Variants in RCC1L observed in about 807,000 individuals in gnomAD.
The protein encoded by RCC1L is RCC1-like G exchanging factor-like protein.
In RCC1L, 46 loss-of-function variants were observed where a neutral mutation model predicts 58.6. The ratio of observed to expected loss-of-function variants is 0.79; its 90% CI spans 0.62 to 1.00. RCC1L has a LOEUF of 1.00. Ranked by LOEUF, RCC1L falls within the 50% of genes least tolerant of loss-of-function variation. The probability of loss-of-function intolerance (pLI) is 0.00; values close to 1 mark genes in which losing one functional copy is unlikely to be tolerated. For synonymous variants in RCC1L, 281 were observed against 262.9 expected (o/e 1.07, Z -0.67); for missense variants, 636 against 623.6 (o/e 1.02, Z -0.21).
intron 10 of RCC1L, among the ~76,000 whole-genome samples, chr7:75,047,282 TAG>T (rs1805753541): frequency 6.6e-6 from 1 of 152,104 alleles, no homozygotes; most frequent in Admixed American, 6.5e-5. Flanking sequence ...AATTTTTGTT[TAG>T]AGACAAGGTC....
At position 75,066,693 on chromosome 7, in the gene RCC1L, T is replaced by C; in HGVS notation, c.554A>G (p.His185Arg). 4 of 1,612,884 alleles carry C rather than the reference T, an allele frequency of 2.5e-6. No homozygotes were observed. Among genetic ancestry groups the C allele is most frequent in the Non-Finnish European group, 3.4e-6 (4 of 1,179,458 alleles). ...TTCCCTGTCAGTCAACACAAGAGAG[T>C]GAGCTCGGCCGCAGGAGACCTGCAG... ...RVLQVSCGRAHSLVLTDREGV... is the reference protein window; with the variant it reads ...RVLQVSCGRARSLVLTDREGV... Residue 185 changes from histidine (H) to arginine (R), a missense_variant, in exon 3 of 11, where the codon CAC becomes CGC. Transcript: ENST00000610322.
rs1554446604 is a variant in RCC1L, at chr7:75,073,755, A to C, written c.-18T>G. On this transcript the variant is annotated 5_prime_UTR_variant, in exon 1 of 11. The change abolishes the stop of an existing upstream ORF in the 5' untranslated region. Transcript: ENST00000610322. ...AGCGCCATCCTCCGTTCCGCGCCTC[A>C]GCAGCCTCTGGGCGCCGCCATCTTG... The C allele has an allele frequency of 2.7e-6, 4 of 1,496,114 alleles. No homozygotes were observed. Among genetic ancestry groups the C allele is most frequent in the South Asian group, 2.5e-5 (2 of 79,224 alleles). The allele number at this position is 1,496,114 out of a possible 1,614,324, so 92.7% of individuals were successfully genotyped here. A position where few individuals can be genotyped will look rare whatever the true frequency, so the allele number is the denominator to read the frequency against.
chr7:75,048,168 G>A (rs1403425611), intron 10 of RCC1L, among the ~76,000 whole-genome samples: 3 of 150,876 alleles, frequency 2.0e-5, no homozygotes, highest in African/African-American at 7.3e-5. Context: ...TGGGGAGGCT[G>A]AGGCAAGAGA....
At chr7:75,042,049 T>C (rs1347702011), downstream of RCC1L, 1 of 521,868 alleles carries the variant, frequency 1.9e-6, no homozygotes, top group South Asian at 8.3e-5. Flanking sequence ...CTTGTCTCTA[T>C]AAAAAAATAA....
chr7:75,041,236 AAC>A (rs1805555183), downstream of RCC1L, among the ~76,000 whole-genome samples: 53 of 151,268 alleles, frequency 3.5e-4, no homozygotes, highest in Admixed American at 4.0e-4. Context: ...CTAACTAACT[AAC>A]TAAATAAATA....
chr7:75,057,386 G>A, intron 8 of RCC1L, 143 bp downstream of exon 8: 1 of 756,056 alleles, frequency 1.3e-6, no homozygotes, highest in East Asian at 2.7e-5. Flanking sequence ...CAAAGTGCTG[G>A]GATTACAGAT....
intron 3 of RCC1L, 74 bp from the exon 4 acceptor site, chr7:75,064,722 C>T (rs1806401714): frequency 1.3e-6 from 2 of 1,540,112 alleles, no homozygotes; most frequent in Non-Finnish European, 1.8e-6. Context: ...TGGAAGGGGT[C>T]TCGCTGGTGG....
chr7:75,070,364 A>G (rs1454658239), intron 2 of RCC1L, among the ~76,000 whole-genome samples: 1 of 152,174 alleles, frequency 6.6e-6, no homozygotes, highest in Non-Finnish European at 1.5e-5. Flanking sequence ...TGAGCTCAGG[A>G]GTTCGAGACC....
intron 5 of RCC1L, among the ~76,000 whole-genome samples, chr7:75,063,091 C>A (rs1347300548): frequency 6.6e-6 from 1 of 151,938 alleles, no homozygotes; most frequent in African/African-American, 2.4e-5. Context: ...AGCCACCACA[C>A]CCGGCCCCAA....
At chr7:75,029,036 G>C (rs1805223775) in intron 10 of RCC1L, among the ~76,000 whole-genome samples, 2 of 152,360 alleles carry the variant, frequency 1.3e-5, no homozygotes, top group South Asian at 4.1e-4. Context: ...AGCAGGAGGA[G>C]GCTTGGTCTG....
intron 10 of RCC1L, among the ~76,000 whole-genome samples, chr7:75,051,680 G>C (rs1805920333): frequency 1.3e-5 from 2 of 152,028 alleles, no homozygotes; most frequent in African/African-American, 4.8e-5. Flanking sequence ...CCAAGCGCTG[G>C]GATTACAGGT....
chr7:75,038,644 G>C, downstream of RCC1L, among the ~76,000 whole-genome samples: 1 of 152,012 alleles, frequency 6.6e-6, no homozygotes, highest in Middle Eastern at 3.2e-3. Flanking sequence ...AGACCAGGCA[G>C]GGGTGGATGG....
chr7:75,047,792 G>A (rs1431951572), intron 10 of RCC1L, among the ~76,000 whole-genome samples: 6 of 151,106 alleles, frequency 4.0e-5, no homozygotes, highest in East Asian at 2.0e-4. Flanking sequence ...GATTACAGGC[G>A]TGCACCCCCA....
At chr7:75,029,645 A>G (rs1488048150) in intron 10 of RCC1L, among the ~76,000 whole-genome samples, 1 of 151,932 alleles carries the variant, frequency 6.6e-6, no homozygotes, top group Non-Finnish European at 1.5e-5. Context: ...CGCCTGGCCA[A>G]TGGGATTTTT....
chr7:75,069,271 C>T lies in RCC1L; in HGVS notation c.454+1369G>A, dbSNP rs587649368. Reference sequence around the variant, plus strand: ...GCGGTGGCGCAATCACCGCTCACTGCAGCCTCAAACTCCTGGGCTCAAGCA... The same window carrying T: ...GCGGTGGCGCAATCACCGCTCACTGTAGCCTCAAACTCCTGGGCTCAAGCA... On this transcript the variant is annotated intron_variant, in intron 2 of 10. Coordinates refer to ENST00000610322, the MANE Select transcript of RCC1L (RefSeq NM_030798.5). Among the ~76,000 whole-genome samples, 117 of 152,310 alleles carry T rather than the reference C, an allele frequency of 7.7e-4. 1 individual carries two copies. The highest frequency in any genetic ancestry group is 3.4e-3 in the Middle Eastern group (1 of 294).
chr7:75,063,401 C>T, intron 4 of RCC1L, 58 bp from the exon 5 acceptor site: 1 of 1,578,744 alleles, frequency 6.3e-7, no homozygotes, highest in Non-Finnish European at 8.7e-7. Context: ...AAGCACTGTG[C>T]AGCCCTTTCC....
At chr7:75,038,589 G>C (rs1410995818), downstream of RCC1L, among the ~76,000 whole-genome samples, 1 of 151,626 alleles carries the variant, frequency 6.6e-6, no homozygotes, top group African/African-American at 2.4e-5. Flanking sequence ...GTGGGGGCAG[G>C]AGTGCCTAGA....
At chr7:75,043,555 T>G (rs1302025342) in intron 10 of RCC1L, among the ~76,000 whole-genome samples, 2 of 152,206 alleles carry the variant, frequency 1.3e-5, no homozygotes, top group African/African-American at 4.8e-5. Flanking sequence ...TGGGAGCCAC[T>G]GCTATGGCTC....
intron 9 of RCC1L, 108 bp downstream of exon 9, chr7:75,055,793 G>A (rs1241768859): frequency 1.2e-5 from 16 of 1,344,734 alleles, no homozygotes; most frequent in Middle Eastern, 1.9e-4. Flanking sequence ...CAAAGGCGCC[G>A]TTCTGTTGGA....
Sources: allele counts gnomAD v4.1 joint callset (sites outside exome capture counted in the v4.1 genomes callset), GRCh38; gene constraint gnomAD v4.1.1; transcripts MANE v1.5; gene names NCBI Gene and HGNC (gene_info 2026-07-23, HGNC 2026-07-21).